Variants in RYR3 observed in about 807,000 individuals in gnomAD.
RYR3 encodes ryanodine receptor 3.
In RYR3, 207 loss-of-function variants were observed where a neutral mutation model predicts 584.3. The observed-to-expected ratio is 0.35, with a 90% CI of 0.32 to 0.40. RYR3 has a LOEUF of 0.40. Among genes scored for constraint, RYR3 ranks in the 10% least tolerant of loss-of-function variants. RYR3 has a pLI of 1.00. For missense variants in RYR3, 5,616 were observed against 6,089.2 expected (o/e 0.92, Z 2.59); for synonymous variants, 2,416 against 2,248.5 (o/e 1.07, Z -2.11).
intron 64 of RYR3, 98 bp downstream of exon 64, chr15:33,773,713 C>G: frequency 1.2e-6 from 1 of 803,414 alleles, no homozygotes; most frequent in African/African-American, 1.7e-5. Context: ...CCAGCAAGAC[C>G]AAAATGCTCA....
intron 27 of RYR3, among the ~76,000 whole-genome samples, chr15:33,640,479 C>G (rs961547845): frequency 2.0e-5 from 3 of 152,226 alleles, no homozygotes; most frequent in Admixed American, 6.5e-5. Flanking sequence ...ACCTCCCTCT[C>G]TCTAAGATGT....
chr15:33,849,297 GGAA>G (rs1354713131), intron 94 of RYR3: 1 of 152,214 alleles, frequency 6.6e-6, no homozygotes, highest in African/African-American at 2.4e-5. Context: ...CACTGTGGTG[GGAA>G]GAAGGAAGAG....
Position 33,843,588 on chromosome 15 carries a change from CAG to C in RYR3, c.13296+15_13296+16del. 6.5e-7 allele frequency: 1 copy of C among 1,530,056 alleles called. No homozygotes were observed. Among genetic ancestry groups the C allele is most frequent in the South Asian group, 1.2e-5 (1 of 85,070 alleles). The allele number at this position is 1,530,056 out of a possible 1,614,324, so 94.8% of individuals were successfully genotyped here. A position where few individuals can be genotyped will look rare whatever the true frequency, so the allele number is the denominator to read the frequency against. ...CTTTTTTATAAGGTGATACTTCATT[CAG>C]GGGTTATTTGCTAAATATGCTGTAT... On this transcript the variant is annotated intron_variant, in intron 92 of 103. Coordinates refer to ENST00000634891, the MANE Select transcript of RYR3 (RefSeq NM_001036.6).
chr15:33,554,518 G>C (rs541047965), intron 10 of RYR3, among the ~76,000 whole-genome samples: 7 of 151,954 alleles, frequency 4.6e-5, no homozygotes, highest in Non-Finnish European at 7.4e-5. Flanking sequence ...GGACGGTCTC[G>C]ATCTCCTGAC....
At chr15:33,816,214 T>C (rs147463875) in intron 74 of RYR3, among the ~76,000 whole-genome samples, 1 of 152,334 alleles carries the variant, frequency 6.6e-6, no homozygotes, top group East Asian at 1.9e-4. Context: ...CAGTGGCTAA[T>C]ATTCCCAGAA....
At chr15:33,492,731 G>A (rs1221050830) in intron 2 of RYR3, among the ~76,000 whole-genome samples, 8 of 152,110 alleles carry the variant, frequency 5.3e-5, no homozygotes, top group African/African-American at 1.4e-4. Context: ...TGCTGATGCC[G>A]ATTGCACCTG....
intron 60 of RYR3, among the ~76,000 whole-genome samples, chr15:33,762,060 C>G (rs749867262): frequency 2.1e-4 from 32 of 152,234 alleles, no homozygotes; most frequent in African/African-American, 7.7e-4. Flanking sequence ...ATTCAACACC[C>G]CTTCATGCTA....
At chr15:33,671,829 T>TC (rs1263442160) in intron 38 of RYR3, among the ~76,000 whole-genome samples, 11 of 103,646 alleles carry the variant, frequency 1.1e-4, no homozygotes, top group Middle Eastern at 5.9e-3. Context: ...TTTTTTTTTT[T>TC]CCTGAGACAG....
At chr15:33,395,980 G>GT (rs2042273774) in intron 1 of RYR3, among the ~76,000 whole-genome samples, 1 of 152,224 alleles carries the variant, frequency 6.6e-6, no homozygotes, top group Admixed American at 6.5e-5. Flanking sequence ...AGGGCCGACT[G>GT]TTTTTATCTG....
At chr15:33,468,883 G>A (rs1423568642) in intron 1 of RYR3, among the ~76,000 whole-genome samples, 1 of 152,154 alleles carries the variant, frequency 6.6e-6, no homozygotes, top group Non-Finnish European at 1.5e-5. Context: ...TAGATACCAG[G>A]CTCTGCCCCC....
intron 1 of RYR3, among the ~76,000 whole-genome samples, chr15:33,334,520 C>T (rs891766725): frequency 4.6e-5 from 7 of 152,198 alleles, no homozygotes; most frequent in Admixed American, 3.9e-4. Context: ...ACACCTTATA[C>T]AAAAATTAAC....
chr15:33,826,304 G>T, intron 83 of RYR3, 35 bp downstream of exon 83: 2 of 1,608,544 alleles, frequency 1.2e-6, no homozygotes, highest in Non-Finnish European at 1.7e-6. Flanking sequence ...TTCCTACCGT[G>T]TGTGAATCCT....
chr15:33,501,379 CTT>C (rs910843273), intron 2 of RYR3, among the ~76,000 whole-genome samples: 4 of 152,146 alleles, frequency 2.6e-5, no homozygotes, highest in African/African-American at 9.7e-5. Flanking sequence ...AGGGCAGAAT[CTT>C]TAGCATTTGG....
At chr15:33,775,149 G>A (rs1161419784) in intron 64 of RYR3, among the ~76,000 whole-genome samples, 2 of 152,160 alleles carry the variant, frequency 1.3e-5, no homozygotes, top group Non-Finnish European at 2.9e-5. Context: ...TGTATCTGCA[G>A]CACCGTGAAA....
At chr15:33,348,172 A>C (rs1972716607) in intron 1 of RYR3, among the ~76,000 whole-genome samples, 1 of 152,192 alleles carries the variant, frequency 6.6e-6, no homozygotes, top group Admixed American at 6.5e-5. Flanking sequence ...GCAGTGAGAA[A>C]CCTGTCTCAC....
At chr15:33,766,505 G>A (rs1369662828) in intron 60 of RYR3, among the ~76,000 whole-genome samples, 1 of 152,188 alleles carries the variant, frequency 6.6e-6, no homozygotes. Context: ...AGTGAGTAAA[G>A]TGAGATATTC....
chr15:33,666,041 G>C (rs2063476845), intron 36 of RYR3, among the ~76,000 whole-genome samples: 2 of 152,174 alleles, frequency 1.3e-5, no homozygotes. Context: ...GTCTCACTCT[G>C]TCATGCAGGC....
At chr15:33,863,223 A>AATAAAT (rs1005023798) in intron 102 of RYR3, among the ~76,000 whole-genome samples, 2 of 152,210 alleles carry the variant, frequency 1.3e-5, no homozygotes, top group African/African-American at 4.8e-5. Context: ...TGCTTTGTTA[A>AATAAAT]ATAAATGTGC....
chr15:33,443,718 GC>G (rs2046405903), intron 1 of RYR3, among the ~76,000 whole-genome samples: 1 of 152,134 alleles, frequency 6.6e-6, no homozygotes, highest in African/African-American at 2.4e-5. Context: ...AAATAAATGG[GC>G]CCACTTTGCT....
Sources: allele counts gnomAD v4.1 joint callset (sites outside exome capture counted in the v4.1 genomes callset), GRCh38; gene constraint gnomAD v4.1.1; transcripts MANE v1.5; gene names NCBI Gene and HGNC (gene_info 2026-07-23, HGNC 2026-07-21).